Variants in CDH12 observed in about 807,000 individuals in gnomAD.
The protein encoded by CDH12 is cadherin-12.
A neutral mutation model predicts 74.1 loss-of-function variants in CDH12; 41 were observed. The observed-to-expected ratio is 0.55, with a 90% CI of 0.43 to 0.72. CDH12 has a LOEUF of 0.72. Ranked by LOEUF, CDH12 falls within the 30% of genes least tolerant of loss-of-function variation. The pLI is 0.00. For missense variants in CDH12, 945 were observed against 977.2 expected (o/e 0.97, Z 0.44); for synonymous variants, 399 against 355.0 (o/e 1.12, Z -1.39).
chr5:21,802,031 G>A (rs1747138245), intron 10 of CDH12, 136 bp downstream of exon 10: 2 of 743,798 alleles, frequency 2.7e-6, no homozygotes, highest in Admixed American at 5.7e-5. Flanking sequence ...CTTATGTAAA[G>A]TCATTATGTT....
At chr5:22,447,985 T>TAAAAAAAAAA (rs10660558) in intron 2 of CDH12, among the ~76,000 whole-genome samples, 3 of 84,468 alleles carry the variant, frequency 3.6e-5, no homozygotes, top group African/African-American at 9.7e-5. Flanking sequence ...TACAAGAAAT[T>TAAAAAAAAAA]AAAAAAAAAA....
At chr5:22,441,778 C>G (rs1357353196) in intron 2 of CDH12, among the ~76,000 whole-genome samples, 1 of 152,114 alleles carries the variant, frequency 6.6e-6, no homozygotes, top group Non-Finnish European at 1.5e-5. Context: ...CGTGTTGGCT[C>G]ACTGCAACCC....
intron 1 of CDH12, among the ~76,000 whole-genome samples, chr5:22,749,957 G>C (rs933044171): frequency 3.3e-5 from 5 of 152,136 alleles, no homozygotes; most frequent in Non-Finnish European, 1.5e-5. Flanking sequence ...AATTCATATA[G>C]CTATCAACTT....
chr5:22,381,748 T>G (rs1334069889), intron 3 of CDH12, among the ~76,000 whole-genome samples: 1 of 151,882 alleles, frequency 6.6e-6, no homozygotes, highest in African/African-American at 2.4e-5. Flanking sequence ...TTTACTTTAT[T>G]CTCTTGCTTT....
intron 1 of CDH12, among the ~76,000 whole-genome samples, chr5:22,650,191 A>T (rs1691246354): frequency 6.6e-6 from 1 of 152,084 alleles, no homozygotes; most frequent in African/African-American, 2.4e-5. Context: ...TAAAACATTC[A>T]TGATTAGTGG....
chr5:21,876,252 G>T (rs1291336744), intron 6 of CDH12, among the ~76,000 whole-genome samples: 1 of 151,940 alleles, frequency 6.6e-6, no homozygotes, highest in Non-Finnish European at 1.5e-5. Context: ...CTCTTTTTAT[G>T]GTTTCTTCAA....
At chr5:22,617,412 G>A (rs547200493) in intron 1 of CDH12, among the ~76,000 whole-genome samples, 1 of 152,170 alleles carries the variant, frequency 6.6e-6, no homozygotes, top group South Asian at 2.1e-4. Flanking sequence ...GATAGGAAAG[G>A]GAGGGTAATA....
intron 5 of CDH12, among the ~76,000 whole-genome samples, chr5:21,987,743 T>TA (rs201244013): frequency 0.039 from 5,919 of 152,304 alleles, 379 homozygotes; most frequent in African/African-American, 0.14. Context: ...GCCATCTAAG[T>TA]ATATTGATGA....
At chr5:22,077,991 AT>A (rs1742447129) in intron 5 of CDH12, among the ~76,000 whole-genome samples, 1 of 152,142 alleles carries the variant, frequency 6.6e-6, no homozygotes. Flanking sequence ...GAAGAAATAC[AT>A]TCTTGTCATT....
intron 1 of CDH12, among the ~76,000 whole-genome samples, chr5:22,565,365 A>T (rs1385229791): frequency 6.6e-6 from 1 of 152,210 alleles, no homozygotes; most frequent in Admixed American, 6.5e-5. Context: ...TTCCACCAAC[A>T]GGGTAATAAG....
intron 1 of CDH12, among the ~76,000 whole-genome samples, chr5:22,599,554 G>C (rs1253271504): frequency 6.6e-6 from 1 of 151,564 alleles, no homozygotes; most frequent in South Asian, 2.1e-4. Flanking sequence ...GATATAGAAG[G>C]TATTTTCATT....
intron 2 of CDH12, among the ~76,000 whole-genome samples, chr5:22,465,682 A>G (rs1379495074): frequency 1.3e-5 from 2 of 152,106 alleles, no homozygotes; most frequent in Non-Finnish European, 2.9e-5. Flanking sequence ...AGAACAGAAC[A>G]GAACAGAACA....
intron 1 of CDH12, among the ~76,000 whole-genome samples, chr5:22,600,236 T>C (rs527838417): frequency 5.7e-4 from 87 of 152,298 alleles, no homozygotes; most frequent in African/African-American, 2.0e-3. Flanking sequence ...AAACAGCATC[T>C]GGCACACAAT....
chr5:22,110,203 T>G (rs1390148925), intron 4 of CDH12, among the ~76,000 whole-genome samples: 1 of 152,198 alleles, frequency 6.6e-6, no homozygotes, highest in Non-Finnish European at 1.5e-5. Context: ...CATAAACATC[T>G]TGCACCTGCT....
chr5:22,718,293 C>CGTGG (rs1342514151), intron 1 of CDH12, among the ~76,000 whole-genome samples: 1 of 152,120 alleles, frequency 6.6e-6, no homozygotes. Context: ...TTCCATCCAC[C>CGTGG]CCCACTCCCA....
intron 3 of CDH12, among the ~76,000 whole-genome samples, chr5:22,318,219 C>A (rs545614753): frequency 2.1e-4 from 32 of 152,274 alleles, no homozygotes; most frequent in African/African-American, 7.7e-4. Flanking sequence ...GAAATGAATT[C>A]TTGTTACTAT....
intron 6 of CDH12, among the ~76,000 whole-genome samples, chr5:21,954,384 C>A (rs2547569): frequency 0.093 from 13,975 of 150,700 alleles, 1,642 homozygotes; most frequent in African/African-American, 0.28. Flanking sequence ...GTGTGAGTGC[C>A]TGCACACACA....
At chr5:21,772,482 A>G (rs757526975) in intron 11 of CDH12, among the ~76,000 whole-genome samples, 2 of 152,138 alleles carry the variant, frequency 1.3e-5, no homozygotes, top group Non-Finnish European at 2.9e-5. Flanking sequence ...ATTTCTGCCA[A>G]CGAAAATATC....
At chr5:22,577,722 C>G (rs184605725) in intron 1 of CDH12, among the ~76,000 whole-genome samples, 1 of 152,170 alleles carries the variant, frequency 6.6e-6, no homozygotes, top group Admixed American at 6.5e-5. Context: ...GTCCAGATAA[C>G]GGGAAACATA....
Sources: allele counts gnomAD v4.1 joint callset (sites outside exome capture counted in the v4.1 genomes callset), GRCh38; gene constraint gnomAD v4.1.1; transcripts MANE v1.5; gene names NCBI Gene and HGNC (gene_info 2026-07-23, HGNC 2026-07-21).